Variants in DOCK3 observed in about 807,000 individuals in gnomAD.
DOCK3 encodes the protein dedicator of cytokinesis 3.
A neutral mutation model predicts 265.6 loss-of-function variants in DOCK3; 60 were observed. The observed-to-expected ratio is 0.23, with a 90% confidence interval of 0.18 to 0.28. DOCK3 has a LOEUF of 0.28. Ranked by LOEUF, DOCK3 falls within the 10% of genes least tolerant of loss-of-function variation. DOCK3 has a pLI of 1.00. For missense variants in DOCK3, 1,981 were observed against 2,594.3 expected (o/e 0.76, Z 5.14); for synonymous variants, 881 against 938.0 (o/e 0.94, Z 1.11).
chr3:51,036,058 G>A (rs2080249906), intron 5 of DOCK3, among the ~76,000 whole-genome samples: 1 of 152,138 alleles, frequency 6.6e-6, no homozygotes, highest in Non-Finnish European at 1.5e-5. Flanking sequence ...TTAGGGCAAA[G>A]TATCTAAAAA....
At chr3:50,777,264 G>A (rs2041659765) in intron 1 of DOCK3, among the ~76,000 whole-genome samples, 1 of 152,002 alleles carries the variant, frequency 6.6e-6, no homozygotes, top group Non-Finnish European at 1.5e-5. Context: ...TTATTTCTGG[G>A]TTCTGTATTT....
chr3:50,969,196 T>C (rs1231599781), intron 5 of DOCK3, among the ~76,000 whole-genome samples: 1 of 152,206 alleles, frequency 6.6e-6, no homozygotes, highest in Non-Finnish European at 1.5e-5. Context: ...TTATAACTTC[T>C]TGTTGAATTG....
At chr3:50,742,588 G>T (rs1237110397) in intron 1 of DOCK3, among the ~76,000 whole-genome samples, 1 of 152,122 alleles carries the variant, frequency 6.6e-6, no homozygotes, top group Non-Finnish European at 1.5e-5. Context: ...CTGGAAGAAA[G>T]GGTATCAGCG....
At chr3:51,189,714 A>G (rs1196522046) in intron 12 of DOCK3, among the ~76,000 whole-genome samples, 1 of 152,226 alleles carries the variant, frequency 6.6e-6, no homozygotes, top group Non-Finnish European at 1.5e-5. Context: ...TTGTACTGCA[A>G]TAAACTTACA....
chr3:51,180,226 ACACAC>A (rs1284512170), intron 12 of DOCK3, among the ~76,000 whole-genome samples: 24 of 91,372 alleles, frequency 2.6e-4, no homozygotes, highest in African/African-American at 9.3e-4. Flanking sequence ...AAAAAAAAAA[ACACAC>A]ACACACACAC....
chr3:50,930,330 G>A (rs764415843), intron 4 of DOCK3, among the ~76,000 whole-genome samples: 1 of 152,224 alleles, frequency 6.6e-6, no homozygotes, highest in Non-Finnish European at 1.5e-5. Flanking sequence ...TGTAGTGAGT[G>A]CAGAGGTCCA....
At chr3:50,951,820 T>C (rs1210003350) in intron 5 of DOCK3, among the ~76,000 whole-genome samples, 1 of 152,144 alleles carries the variant, frequency 6.6e-6, no homozygotes, top group East Asian at 1.9e-4. Flanking sequence ...AAGACCTCAC[T>C]ACTTTCATGA....
chr3:51,205,961 T>C (rs2089185074), intron 12 of DOCK3, among the ~76,000 whole-genome samples: 1 of 152,206 alleles, frequency 6.6e-6, no homozygotes, highest in South Asian at 2.1e-4. Flanking sequence ...AATCTTTCCT[T>C]TGAAGCTACC....
chr3:51,329,184 C>T (rs1295330741), intron 32 of DOCK3, among the ~76,000 whole-genome samples: 2 of 152,054 alleles, frequency 1.3e-5, no homozygotes, highest in African/African-American at 2.4e-5. Flanking sequence ...AAGGTTAAAA[C>T]AATTTTATAT....
chr3:50,895,014 C>T (rs1392792006), intron 4 of DOCK3, among the ~76,000 whole-genome samples: 3 of 151,966 alleles, frequency 2.0e-5, no homozygotes, highest in African/African-American at 7.3e-5. Context: ...AAGTATTGCT[C>T]CAGTAATGTT....
chr3:50,940,547 C>G (rs1287761820), intron 5 of DOCK3, among the ~76,000 whole-genome samples: 1 of 151,886 alleles, frequency 6.6e-6, no homozygotes, highest in East Asian at 1.9e-4. Flanking sequence ...CAAGCTGATT[C>G]TAAAATTTAT....
chr3:51,304,785 T>G (rs900163739), intron 27 of DOCK3, among the ~76,000 whole-genome samples: 1 of 152,220 alleles, frequency 6.6e-6, no homozygotes, highest in African/African-American at 2.4e-5. Context: ...CCGTGGGTCA[T>G]GCCAACCACC....
chr3:51,362,210 G>C (rs376640093), intron 48 of DOCK3, among the ~76,000 whole-genome samples: 25 of 152,142 alleles, frequency 1.6e-4, no homozygotes, highest in African/African-American at 6.0e-4. Context: ...AGAAAATCCA[G>C]CTTCAGTCCT....
intron 2 of DOCK3, chr3:50,787,636 T>C (rs2608999): frequency 0.096 from 122,299 of 1,275,452 alleles, 6,545 homozygotes; most frequent in Non-Finnish European, 0.1. Flanking sequence ...CTTAGGTGGC[T>C]CTGCACTCTT....
At chr3:51,184,909 A>G (rs530317567) in intron 12 of DOCK3, among the ~76,000 whole-genome samples, 2 of 152,194 alleles carry the variant, frequency 1.3e-5, no homozygotes, top group Non-Finnish European at 2.9e-5. Context: ...TGATATGATG[A>G]GACTGAGACT....
rs1248339743 is a variant in DOCK3 at position 51,357,132 on chromosome 3, C to A, written c.4674C>A (p.Arg1558=). 6.2e-7 allele frequency: 1 copy of A among 1,611,748 alleles called. No individual in the cohort carries two copies. The highest frequency in any genetic ancestry group is 1.3e-5 in the African/African-American group (1 of 74,870). The change falls in exon 44 of 53, where the codon CGC becomes CGA. Residue 1558 remains arginine, a synonymous_variant. Coordinates refer to ENST00000266037, the MANE Select transcript of DOCK3 (RefSeq NM_004947.5). ...CAGCTGTCAATGGAGGCATTGCACG[C>A]TATCAGGAGGTAAGCTGTGGCCACA... is the stretch of plus-strand genomic sequence containing the variant. ...IDAAVNGGIA[R]YQEAFFDKDY...
intron 1 of DOCK3, among the ~76,000 whole-genome samples, chr3:50,737,789 T>G (rs953150159): frequency 1.3e-5 from 2 of 152,222 alleles, no homozygotes; most frequent in Non-Finnish European, 2.9e-5. Context: ...GACTTTTTAT[T>G]TAGTTCATGT....
intron 37 of DOCK3, among the ~76,000 whole-genome samples, chr3:51,339,479 G>A (rs1267406260): frequency 3.3e-5 from 5 of 152,142 alleles, no homozygotes; most frequent in Admixed American, 2.6e-4. Context: ...TTCCTTGCAG[G>A]CTAGGCTCTT....
chr3:50,827,869 TTA>T (rs2044862134), intron 2 of DOCK3, among the ~76,000 whole-genome samples: 1 of 152,200 alleles, frequency 6.6e-6, no homozygotes, highest in Non-Finnish European at 1.5e-5. Flanking sequence ...ATGATTTCAT[TTA>T]GGCTCCTCTA....
Sources: gnomAD v4.1 joint callset for allele counts (sites outside exome capture counted in the v4.1 genomes callset) on GRCh38, gnomAD v4.1.1 for gene constraint, MANE v1.5 for transcripts, NCBI Gene and HGNC (gene_info 2026-07-23, HGNC 2026-07-21) for gene names.